The following C1orf21 variants were observed in gnomAD, a reference collection of about 807,000 sequenced individuals.
C1orf21 encodes the protein uncharacterized protein C1orf21.
In C1orf21, 3 loss-of-function variants were observed where a neutral mutation model predicts 18.7. The ratio of observed to expected loss-of-function variants is 0.16; its 90% confidence interval spans 0.07 to 0.42. The LOEUF (loss-of-function observed/expected upper bound fraction) is 0.42, where lower values mean the gene tolerates loss of function less well. Ranked by LOEUF, C1orf21 falls within the 10% of genes least tolerant of loss-of-function variation. C1orf21 has a pLI of 0.99. For missense variants in C1orf21, 104 were observed against 143.6 expected, an observed-to-expected ratio of 0.72 and a Z score of 1.41; for synonymous variants, 41 against 46.4, an observed-to-expected ratio of 0.88 and a Z score of 0.47.
chr1:184,522,115 G>A (rs775434356), intron 3 of C1orf21, among the ~76,000 whole-genome samples: 44 of 152,116 alleles, frequency 2.9e-4, no homozygotes, highest in Non-Finnish European at 5.7e-4. Context: ...TGATCCTGTG[G>A]CAATAGATTA....
intron 3 of C1orf21, among the ~76,000 whole-genome samples, chr1:184,533,795 G>A (rs967584266): frequency 2.6e-5 from 4 of 152,224 alleles, no homozygotes; most frequent in East Asian, 1.9e-4. Context: ...GGCCCTGGCC[G>A]GGGCTGGGGA....
chr1:184,586,753 T>G (rs920448473), intron 3 of C1orf21, among the ~76,000 whole-genome samples: 1 of 152,142 alleles, frequency 6.6e-6, no homozygotes, highest in Admixed American at 6.5e-5. Context: ...TTTTGTTTCA[T>G]TTTGTTTTGC....
At chr1:184,537,279 A>G (rs558223033) in intron 3 of C1orf21, among the ~76,000 whole-genome samples, 10 of 152,306 alleles carry the variant, frequency 6.6e-5, no homozygotes, top group Admixed American at 6.5e-5. Context: ...CCCATTACAC[A>G]GTAACTTCCC....
chr1:184,438,012 A>G (rs776173110), intron 1 of C1orf21, among the ~76,000 whole-genome samples: 3 of 152,180 alleles, frequency 2.0e-5, no homozygotes, highest in Non-Finnish European at 2.9e-5. Flanking sequence ...GAATGGGATC[A>G]ATGGGGAGCT....
chr1:184,559,018 T>C (rs1658916069), intron 3 of C1orf21, among the ~76,000 whole-genome samples: 1 of 152,228 alleles, frequency 6.6e-6, no homozygotes, highest in South Asian at 2.1e-4. Context: ...CTTGATATTT[T>C]CTGAGCTTGA....
chr1:184,459,086 A>G (rs914690592), intron 1 of C1orf21, among the ~76,000 whole-genome samples: 1 of 152,096 alleles, frequency 6.6e-6, no homozygotes, highest in African/African-American at 2.4e-5. Context: ...TTTTTTCCAT[A>G]TCTTGATCCC....
intron 5 of C1orf21, among the ~76,000 whole-genome samples, chr1:184,608,927 G>A (rs929128837): frequency 6.6e-6 from 1 of 152,130 alleles, no homozygotes; most frequent in Non-Finnish European, 1.5e-5. Flanking sequence ...TCTCCTTCCT[G>A]TCTGGCTAGT....
chr1:184,504,607 A>C (rs575022417), intron 2 of C1orf21, among the ~76,000 whole-genome samples: 1 of 152,282 alleles, frequency 6.6e-6, no homozygotes, highest in Non-Finnish European at 1.5e-5. Context: ...CTGTTTCCAG[A>C]TGGATATCTT....
At chr1:184,518,618 G>GT (rs1030934144) in intron 3 of C1orf21, among the ~76,000 whole-genome samples, 7 of 152,204 alleles carry the variant, frequency 4.6e-5, no homozygotes, top group Non-Finnish European at 8.8e-5. Context: ...TGTTTTAAAT[G>GT]TTTTTTTCTC....
chr1:184,494,401 G>T lies in C1orf21; in HGVS notation c.95-13187G>T, dbSNP rs116193474. Among the ~76,000 whole-genome samples the T allele has an allele frequency of 2.6e-3, 397 of 152,252 alleles. 2 individuals are homozygous for T. Among genetic ancestry groups the T allele is most frequent in the African/African-American group, 9.0e-3 (374 of 41,536 alleles). On this transcript the variant is annotated intron_variant, in intron 2 of 5. Coordinates refer to ENST00000235307, the MANE Select transcript of C1orf21 (RefSeq NM_030806.4). ...AGTCAGGAGAGGGTTTTGAGTGCAGGGGAGTGATGAGGTCTGACTGCTACG... is the reference window on the plus strand; with the variant it reads ...AGTCAGGAGAGGGTTTTGAGTGCAGTGGAGTGATGAGGTCTGACTGCTACG...
chr1:184,589,569 T>A (rs193235740), intron 3 of C1orf21, among the ~76,000 whole-genome samples: 1 of 152,350 alleles, frequency 6.6e-6, no homozygotes, highest in Admixed American at 6.5e-5. Context: ...GTTTTATCCT[T>A]CTTAAATGTT....
chr1:184,436,731 G>A (rs1484158486), intron 1 of C1orf21, among the ~76,000 whole-genome samples: 2 of 152,042 alleles, frequency 1.3e-5, no homozygotes, highest in African/African-American at 4.8e-5. Flanking sequence ...AACGTCTGTT[G>A]AACACCTACC....
At chr1:184,483,428 A>T (rs1461056340) in intron 2 of C1orf21, among the ~76,000 whole-genome samples, 1 of 152,222 alleles carries the variant, frequency 6.6e-6, no homozygotes, top group Admixed American at 6.5e-5. Flanking sequence ...GCTTGAGATC[A>T]TGATCTCTCC....
intron 2 of C1orf21, among the ~76,000 whole-genome samples, chr1:184,496,701 G>A (rs1657899221): frequency 6.6e-6 from 1 of 152,210 alleles, no homozygotes; most frequent in Non-Finnish European, 1.5e-5. Flanking sequence ...GAAGACAGTA[G>A]AGAAGATGTG....
At chr1:184,476,361 G>A (rs1292356901) in intron 1 of C1orf21, among the ~76,000 whole-genome samples, 2 of 152,152 alleles carry the variant, frequency 1.3e-5, no homozygotes, top group Non-Finnish European at 2.9e-5. Flanking sequence ...GAGGAGGTAA[G>A]GGCCTGTATT....
At chr1:184,531,233 T>A (rs1331000071) in intron 3 of C1orf21, among the ~76,000 whole-genome samples, 1 of 152,214 alleles carries the variant, frequency 6.6e-6, no homozygotes, top group African/African-American at 2.4e-5. Context: ...TGTTAACTTC[T>A]GGAAAATCGA....
chr1:184,595,464 G>A (rs1056727876), intron 4 of C1orf21, among the ~76,000 whole-genome samples: 2 of 152,162 alleles, frequency 1.3e-5, no homozygotes, highest in African/African-American at 4.8e-5. Context: ...CATATTCATG[G>A]TGCTGTGTGG....
intron 3 of C1orf21, among the ~76,000 whole-genome samples, chr1:184,559,356 G>T (rs1417839119): frequency 3.9e-5 from 6 of 152,014 alleles, no homozygotes; most frequent in African/African-American, 1.2e-4. Flanking sequence ...AAAGCTCCCT[G>T]AGGCCTCCCC....
At chr1:184,439,514 A>G (rs945159545) in intron 1 of C1orf21, among the ~76,000 whole-genome samples, 1 of 152,026 alleles carries the variant, frequency 6.6e-6, no homozygotes, top group African/African-American at 2.4e-5. Flanking sequence ...AGCCACACAT[A>G]CAAGACACCA....
Sources: allele counts gnomAD v4.1 joint callset (sites outside exome capture counted in the v4.1 genomes callset), GRCh38; gene constraint gnomAD v4.1.1; transcripts MANE v1.5; gene names NCBI Gene and HGNC (gene_info 2026-07-23, HGNC 2026-07-21).